The following STK24 variants were observed in gnomAD, a reference collection of about 807,000 sequenced individuals.
STK24 encodes the protein serine/threonine-protein kinase 24.
STK24 carries 21 observed loss-of-function variants against 55.6 expected under a neutral mutation model. The ratio of observed to expected loss-of-function variants is 0.38; its 90% CI spans 0.27 to 0.54. The LOEUF is 0.54. Ranked by LOEUF, STK24 falls within the 20% of genes least tolerant of loss-of-function variation. STK24 has a pLI of 0.79. For missense variants in STK24, 383 were observed against 538.4 expected (o/e 0.71, Z 2.86); for synonymous variants, 200 against 215.2 (o/e 0.93, Z 0.62).
chr13:98,528,975 T>C (rs949143848), intron 1 of STK24, among the ~76,000 whole-genome samples: 12 of 152,070 alleles, frequency 7.9e-5, no homozygotes, highest in Admixed American at 7.9e-4. Context: ...TTGGCAAGCA[T>C]CTCTAATGAA....
intron 2 of STK24, among the ~76,000 whole-genome samples, chr13:98,486,217 AAG>A (rs1894801929): frequency 1.4e-5 from 2 of 145,500 alleles, no homozygotes; most frequent in South Asian, 4.3e-4. Flanking sequence ...AAAAAAAAAA[AAG>A]AAAGAAAAAG....
At chr13:98,503,024 G>GTTTT (rs398038978) in intron 2 of STK24, among the ~76,000 whole-genome samples, 6 of 107,056 alleles carry the variant, frequency 5.6e-5, no homozygotes, top group African/African-American at 1.6e-4. Flanking sequence ...CTTTCCATGT[G>GTTTT]TTTTTTTTTT....
chr13:98,561,459 G>C (rs1186384105), intron 1 of STK24, among the ~76,000 whole-genome samples: 1 of 152,032 alleles, frequency 6.6e-6, no homozygotes, highest in African/African-American at 2.4e-5. Context: ...GCACACACCT[G>C]TAATCCTAGC....
intron 1 of STK24, among the ~76,000 whole-genome samples, chr13:98,539,735 G>A (rs1183680262): frequency 2.6e-5 from 4 of 152,144 alleles, no homozygotes; most frequent in Non-Finnish European, 5.9e-5. Flanking sequence ...CGGCTGGAGG[G>A]AGCAAAATGA....
chr13:98,445,573 T>G lies in STK24; in HGVS notation c.*7600A>C, dbSNP rs3752974. 6.6e-6 allele frequency: 1 copy of G among 152,334 alleles called. No homozygotes were observed. Among genetic ancestry groups the G allele is most frequent in the African/African-American group, 2.4e-5 (1 of 41,372 alleles). The allele number at this position is 152,334 out of a possible 1,614,324, so 9.4% of individuals were successfully genotyped here. ...GGCCCCACTTCCTGGGTAGGGTGCC[T>G]GGCCCCTCAAAACGAGTGCTGCTCT... On this transcript the variant is annotated 3_prime_UTR_variant, in exon 11 of 11. Transcript: ENST00000539966.
intron 3 of STK24, among the ~76,000 whole-genome samples, chr13:98,476,732 T>C (rs1894392475): frequency 6.6e-6 from 1 of 152,170 alleles, no homozygotes; most frequent in African/African-American, 2.4e-5. Flanking sequence ...TACCTGGCCC[T>C]GCTTTCCGGC....
chr13:98,565,247 G>A (rs572618669), intron 1 of STK24, among the ~76,000 whole-genome samples: 2 of 152,134 alleles, frequency 1.3e-5, no homozygotes, highest in East Asian at 1.9e-4. Flanking sequence ...CCTCCGAGAC[G>A]CCCAGAATCA....
chr13:98,562,936 AG>A (rs1352352231), intron 1 of STK24, among the ~76,000 whole-genome samples: 4 of 149,612 alleles, frequency 2.7e-5, no homozygotes, highest in African/African-American at 4.9e-5. Context: ...AAAAAAAAAA[AG>A]GTAAAAAAAA....
intron 1 of STK24, among the ~76,000 whole-genome samples, chr13:98,532,913 T>A (rs1896620190): frequency 6.6e-6 from 1 of 152,240 alleles, no homozygotes; most frequent in South Asian, 2.1e-4. Context: ...GCCCCCACCA[T>A]CTGGTTTAGT....
rs1185641465 is a variant in STK24, at chr13:98,567,270, A to G, written c.42+9475T>C. 4.6e-5 allele frequency among the ~76,000 whole-genome samples: 7 copies of G among 152,332 alleles called. No individual in the cohort carries two copies. The South Asian group carries it at 8.3e-4, about 18-fold the overall frequency. On this transcript the variant is annotated intron_variant, in intron 1 of 10. Transcript: ENST00000539966. ...AACACATGGCCACTGGGACAGCCACATAACACCCAGGCCCTCTGACGGGCT... is the reference window on the plus strand; with the variant it reads ...AACACATGGCCACTGGGACAGCCACGTAACACCCAGGCCCTCTGACGGGCT...
intron 10 of STK24, chr13:98,456,627 C>T (rs1246507951): frequency 6.5e-6 from 3 of 460,966 alleles, no homozygotes; most frequent in Non-Finnish European, 1.3e-5. Flanking sequence ...ACCCATAGTG[C>T]ATTCAACAGG....
intron 1 of STK24, among the ~76,000 whole-genome samples, chr13:98,536,380 C>T (rs1896736965): frequency 6.6e-6 from 1 of 151,090 alleles, no homozygotes; most frequent in East Asian, 1.9e-4. Flanking sequence ...TTTTCTCTTC[C>T]AAGAGAAGGG....
At chr13:98,480,886 G>A (rs1477194226) in intron 3 of STK24, among the ~76,000 whole-genome samples, 1 of 152,206 alleles carries the variant, frequency 6.6e-6, no homozygotes, top group Non-Finnish European at 1.5e-5. Context: ...CACTGTACCA[G>A]GCCTAAGAAG....
chr13:98,505,970 T>G (rs1895666332), intron 2 of STK24, among the ~76,000 whole-genome samples: 1 of 152,216 alleles, frequency 6.6e-6, no homozygotes, highest in African/African-American at 2.4e-5. Context: ...CATGAAGAGT[T>G]TTCTGTATCT....
intron 1 of STK24, among the ~76,000 whole-genome samples, chr13:98,548,889 G>C (rs1456710175): frequency 7.8e-5 from 10 of 128,908 alleles, no homozygotes; most frequent in African/African-American, 3.2e-4. Flanking sequence ...AAAAAAAATA[G>C]AGTAAATGAC....
chr13:98,507,791 G>A (rs527676689), intron 2 of STK24, among the ~76,000 whole-genome samples: 3 of 152,234 alleles, frequency 2.0e-5, no homozygotes, highest in East Asian at 1.9e-4. Context: ...TCAGGAAGGC[G>A]GGAGACAAAC....
At chr13:98,492,475 C>A (rs1369793375) in intron 2 of STK24, among the ~76,000 whole-genome samples, 1 of 152,120 alleles carries the variant, frequency 6.6e-6, no homozygotes, top group Non-Finnish European at 1.5e-5. Context: ...AAATCTTTTT[C>A]AGCTCTTTTT....
At chr13:98,499,174 G>A (rs901233663) in intron 2 of STK24, among the ~76,000 whole-genome samples, 22 of 151,958 alleles carry the variant, frequency 1.4e-4, no homozygotes, top group Admixed American at 5.9e-4. Context: ...GGAGGCGGAC[G>A]TTGCAGGGAG....
chr13:98,467,759 A>G (rs1433465243), intron 5 of STK24, among the ~76,000 whole-genome samples: 1 of 152,146 alleles, frequency 6.6e-6, no homozygotes, highest in East Asian at 1.9e-4. Flanking sequence ...AAAGGAATGA[A>G]TTCCTTGAAT....
Sources: allele counts gnomAD v4.1 joint callset (sites outside exome capture counted in the v4.1 genomes callset), GRCh38; gene constraint gnomAD v4.1.1; transcripts MANE v1.5; gene names NCBI Gene and HGNC (gene_info 2026-07-23, HGNC 2026-07-21).